SLC39A9: variants seen among roughly 807,000 people sequenced by gnomAD.
The protein encoded by SLC39A9 is solute carrier family 39 member 9, also known as zinc transporter ZIP9.
Under a neutral mutation model 28.4 loss-of-function variants are expected in SLC39A9, and 14 were observed. The observed-to-expected ratio is 0.49, with a 90% CI of 0.33 to 0.77. SLC39A9 has a LOEUF of 0.77. Ranked by LOEUF, SLC39A9 falls within the 30% of genes least tolerant of loss-of-function variation. The probability of loss-of-function intolerance (pLI) is 0.02; values close to 1 mark genes in which losing one functional copy is unlikely to be tolerated. For synonymous variants in SLC39A9, 119 were observed against 149.6 expected, an observed-to-expected ratio of 0.80 and a Z score of 1.49; for missense variants, 283 against 381.1, an observed-to-expected ratio of 0.74 and a Z score of 2.14.
intron 3 of SLC39A9, among the ~76,000 whole-genome samples, chr14:69,451,132 T>G (rs1885590982): frequency 6.6e-6 from 1 of 152,214 alleles, no homozygotes; most frequent in Non-Finnish European, 1.5e-5. Context: ...GACTGTTCCT[T>G]CCAGTTCAGG....
chr14:69,447,479 GGT>G (rs1885384456), intron 3 of SLC39A9, among the ~76,000 whole-genome samples: 1 of 152,166 alleles, frequency 6.6e-6, no homozygotes, highest in East Asian at 1.9e-4. Flanking sequence ...GAGTTTCAGT[GGT>G]TACAGCACTG....
intron 1 of SLC39A9, among the ~76,000 whole-genome samples, chr14:69,406,844 C>CTTTT (rs1555405656): frequency 7.0e-5 from 7 of 99,482 alleles, no homozygotes; most frequent in Admixed American, 9.8e-5. Context: ...ACTGGAAATT[C>CTTTT]TTTGTTTTTT....
intron 3 of SLC39A9, among the ~76,000 whole-genome samples, chr14:69,445,912 T>C (rs1885272175): frequency 6.6e-6 from 1 of 152,202 alleles, no homozygotes; most frequent in Non-Finnish European, 1.5e-5. Flanking sequence ...ACAATCACAC[T>C]GAAGGGATTT....
chr14:69,422,401 A>G lies in SLC39A9; in HGVS notation c.97-1693A>G, dbSNP rs192804111. 9.6e-4 allele frequency among the ~76,000 whole-genome samples: 146 copies of G among 151,902 alleles called. 1 individual carries two copies. Among genetic ancestry groups the G allele is most frequent in the Non-Finnish European group, 1.9e-3 (126 of 67,932 alleles). On this transcript the variant is annotated intron_variant, in intron 1 of 6. Transcript: ENST00000336643. ...CATGCCTGGCTTCTTGTAGTTTTTT[A>G]TTATTTTTTATTTTTTTAAAGACAG...
At chr14:69,406,345 C>G (rs372481402) in intron 1 of SLC39A9, among the ~76,000 whole-genome samples, 7 of 152,210 alleles carry the variant, frequency 4.6e-5, no homozygotes, top group African/African-American at 1.7e-4. Flanking sequence ...GAATTTCACA[C>G]TTGACATCCT....
chr14:69,461,480 G>A lies in SLC39A9; in HGVS notation c.*2887G>A. On this transcript the variant is annotated 3_prime_UTR_variant, in exon 7 of 7. Transcript: ENST00000336643. ...TTGGAAACAGTACTACCTACCTAGA[G>A]GTTATGTGTTTTCTCTTTCTCCCCG... 2.8e-6 allele frequency: 4 copies of A among 1,419,850 alleles called. No homozygotes were observed. Among genetic ancestry groups the A allele is most frequent in the Non-Finnish European group, 3.7e-6 (4 of 1,089,950 alleles). The allele number at this position is 1,419,850 out of a possible 1,614,324, so 88.0% of individuals were successfully genotyped here. A position where few individuals can be genotyped will look rare whatever the true frequency, so the allele number is the denominator to read the frequency against.
intron 1 of SLC39A9, among the ~76,000 whole-genome samples, chr14:69,407,059 C>T (rs1882958044): frequency 6.6e-6 from 1 of 151,636 alleles, no homozygotes; most frequent in Admixed American, 6.6e-5. Context: ...ACCATGTTAG[C>T]CAGGATGATC....
chr14:69,404,860 A>C (rs552394008), intron 1 of SLC39A9, among the ~76,000 whole-genome samples: 2 of 152,170 alleles, frequency 1.3e-5, no homozygotes, highest in Admixed American at 1.3e-4. Flanking sequence ...TGTCTGTATT[A>C]GTCCATTCTT....
intron 2 of SLC39A9, among the ~76,000 whole-genome samples, chr14:69,439,968 A>C (rs1308632936): frequency 6.6e-6 from 1 of 152,204 alleles, no homozygotes; most frequent in East Asian, 1.9e-4. Flanking sequence ...TATAAAGGTC[A>C]ATTAAAGAGG....
chr14:69,406,289 G>C (rs1463235452), intron 1 of SLC39A9, among the ~76,000 whole-genome samples: 1 of 152,138 alleles, frequency 6.6e-6, no homozygotes, highest in Non-Finnish European at 1.5e-5. Flanking sequence ...ATTAACACCT[G>C]CCAATTTGGA....
At chr14:69,438,627 C>G (rs1884895929) in intron 2 of SLC39A9, among the ~76,000 whole-genome samples, 1 of 152,166 alleles carries the variant, frequency 6.6e-6, no homozygotes, top group African/African-American at 2.4e-5. Flanking sequence ...GTTTTAAGAA[C>G]TTCAAAGATT....
At position 69,431,783 on chromosome 14, in the gene SLC39A9, G is replaced by T. The variant is rs577122832; in HGVS notation, c.205+7581G>T. ...TATGTCTATGAGTACCTGATGTTTA[G>T]TTCCCACTTGTAAGTGAGAACATGT... is the stretch of plus-strand genomic sequence containing the variant. On this transcript the variant is annotated intron_variant, in intron 2 of 6. Coordinates refer to ENST00000336643, the MANE Select transcript of SLC39A9 (RefSeq NM_018375.5). Among the ~76,000 whole-genome samples, 4 of 152,086 alleles carry T rather than the reference G, an allele frequency of 2.6e-5. No individual in the cohort carries two copies. The East Asian group carries it at 7.7e-4, about 29-fold the overall frequency.
At chr14:69,432,217 C>T (rs548488130) in intron 2 of SLC39A9, among the ~76,000 whole-genome samples, 2 of 152,250 alleles carry the variant, frequency 1.3e-5, no homozygotes, top group African/African-American at 4.8e-5. Flanking sequence ...CTAGCCTTGC[C>T]AGCATGTTGT....
At chr14:69,428,226 G>A (rs1594925303) in intron 2 of SLC39A9, among the ~76,000 whole-genome samples, 1 of 150,882 alleles carries the variant, frequency 6.6e-6, no homozygotes, top group Non-Finnish European at 1.5e-5. Context: ...GCAGTGAGCC[G>A]AGATTGTGCC....
intron 1 of SLC39A9, among the ~76,000 whole-genome samples, chr14:69,415,795 T>TA (rs1169667534): frequency 2.0e-5 from 3 of 152,078 alleles, no homozygotes; most frequent in Admixed American, 6.5e-5. Context: ...GCCTTTCAGC[T>TA]AAAAAAAACT....
In SLC39A9 at chr14:69,461,716, C is replaced by T. The variant is rs1042274347; in HGVS notation, c.*3123C>T. The T allele has an allele frequency of 2.6e-6, 4 of 1,535,794 alleles. No homozygotes were observed. The African/African-American group carries it at 5.5e-5, about 21-fold the overall frequency. On this transcript the variant is annotated 3_prime_UTR_variant, in exon 7 of 7. Transcript: ENST00000336643. ...TTCAAGGATTAGAACTAAGAGGACA[C>T]ACCAGCATCGGAGTGTATTAAGCCC...
chr14:69,431,827 C>T (rs1234347978), intron 2 of SLC39A9, among the ~76,000 whole-genome samples: 2 of 152,124 alleles, frequency 1.3e-5, no homozygotes, highest in African/African-American at 4.8e-5. Flanking sequence ...GTTTTCTGTT[C>T]CTGCATTAAT....
At chr14:69,407,101 C>T (rs1441587500) in intron 1 of SLC39A9, among the ~76,000 whole-genome samples, 1 of 151,800 alleles carries the variant, frequency 6.6e-6, no homozygotes, top group Non-Finnish European at 1.5e-5. Flanking sequence ...CTGCCTGCCT[C>T]GGCCTCCCAA....
intron 1 of SLC39A9, among the ~76,000 whole-genome samples, chr14:69,404,688 G>A (rs1242705136): frequency 6.6e-6 from 1 of 152,124 alleles, no homozygotes; most frequent in Non-Finnish European, 1.5e-5. Context: ...TTGTTGTGGG[G>A]TTTGGTTTGC....
Sources: gnomAD v4.1 joint callset for allele counts (sites outside exome capture counted in the v4.1 genomes callset) on GRCh38, gnomAD v4.1.1 for gene constraint, MANE v1.5 for transcripts, NCBI Gene and HGNC (gene_info 2026-07-23, HGNC 2026-07-21) for gene names.